GCFC2: variants seen among roughly 807,000 people sequenced by gnomAD.
The protein encoded by GCFC2 is intron Large complex component GCFC2.
In GCFC2, 102 loss-of-function variants were observed where a neutral mutation model predicts 99.4. The ratio of observed to expected loss-of-function variants is 1.03; its 90% CI spans 0.87 to 1.21. The LOEUF is 1.21. Among genes scored for constraint, GCFC2 ranks in the 50% most tolerant of loss-of-function variants. The pLI is 0.00. For missense variants in GCFC2, 973 were observed against 920.9 expected, an observed-to-expected ratio of 1.06 and a Z score of -0.73; for synonymous variants, 338 against 316.8, an observed-to-expected ratio of 1.07 and a Z score of -0.71.
upstream of GCFC2, among the ~76,000 whole-genome samples, chr2:75,711,617 G>A (rs1045221516): frequency 1.3e-5 from 2 of 152,224 alleles, no homozygotes. Flanking sequence ...AGGTGACAGC[G>A]GGCCAGCTGG....
intron 14 of GCFC2, among the ~76,000 whole-genome samples, chr2:75,671,598 A>T (rs1679091600): frequency 6.6e-6 from 1 of 152,204 alleles, no homozygotes; most frequent in Non-Finnish European, 1.5e-5. Flanking sequence ...CTTGTGGGTT[A>T]AATCCATCCT....
chr2:75,668,827 GT>G (rs1249010256), intron 15 of GCFC2, among the ~76,000 whole-genome samples: 1 of 152,136 alleles, frequency 6.6e-6, no homozygotes, highest in Non-Finnish European at 1.5e-5. Context: ...AGCTTTAAAA[GT>G]TTTGTATCCA....
intron 8 of GCFC2, among the ~76,000 whole-genome samples, 155 bp from the exon 9 acceptor site, chr2:75,690,236 A>T (rs1680003796): frequency 6.6e-6 from 1 of 152,094 alleles, no homozygotes. Flanking sequence ...GCACAATTTT[A>T]TTAATATTTT....
intron 12 of GCFC2, among the ~76,000 whole-genome samples, chr2:75,675,310 A>C (rs1679283941): frequency 6.6e-6 from 1 of 152,248 alleles, no homozygotes; most frequent in South Asian, 2.1e-4. Flanking sequence ...TTAAAATGGA[A>C]GGGCTAATGA....
At chr2:75,712,930 T>G (rs1451549686), upstream of GCFC2, among the ~76,000 whole-genome samples, 6 of 152,200 alleles carry the variant, frequency 3.9e-5, no homozygotes, top group Non-Finnish European at 7.3e-5. Flanking sequence ...CCATATAAAT[T>G]GGAAGACCTT....
chr2:75,669,676 A>G (rs962755380), intron 15 of GCFC2, among the ~76,000 whole-genome samples: 5 of 152,182 alleles, frequency 3.3e-5, no homozygotes, highest in African/African-American at 1.2e-4. Flanking sequence ...TCAAACCAGT[A>G]TACTCTTTCT....
intron 11 of GCFC2, among the ~76,000 whole-genome samples, chr2:75,685,160 A>G (rs991037866): frequency 1.3e-5 from 2 of 152,168 alleles, no homozygotes; most frequent in East Asian, 3.9e-4. Context: ...ACACCTATGT[A>G]ACAAACCTGC....
chr2:75,667,868 AT>A (rs1392963714), intron 15 of GCFC2, among the ~76,000 whole-genome samples: 1 of 152,150 alleles, frequency 6.6e-6, no homozygotes, highest in Non-Finnish European at 1.5e-5. Context: ...ATGGATGATG[AT>A]TTAAATTTTT....
At chr2:75,697,489 T>C (rs1293075206) in intron 4 of GCFC2, 1 of 152,284 alleles carries the variant, frequency 6.6e-6, no homozygotes, top group Admixed American at 6.5e-5. Context: ...CCTATAAAAC[T>C]GATCACCCAC....
At chr2:75,665,393 ATCC>A (rs1349730232) in intron 16 of GCFC2, among the ~76,000 whole-genome samples, 1 of 152,042 alleles carries the variant, frequency 6.6e-6, no homozygotes. Flanking sequence ...GGCTCAAGTG[ATCC>A]TCCTGCCTCA....
chr2:75,696,931 G>A (rs1241742783), intron 4 of GCFC2, among the ~76,000 whole-genome samples: 6 of 151,954 alleles, frequency 3.9e-5, no homozygotes, highest in Admixed American at 6.6e-5. Flanking sequence ...GACTACAGGC[G>A]CCTGCCACCA....
Position 75,680,338 on chromosome 2 carries a change from C to T in GCFC2, c.1691-24G>A, listed in dbSNP as rs752499631. 5 of 1,593,040 alleles carry T rather than the reference C, an allele frequency of 3.1e-6. No homozygotes were observed. The East Asian group carries it at 9.0e-5, about 29-fold the overall frequency. On this transcript the variant is annotated intron_variant, in intron 11 of 16. Transcript: ENST00000321027. ...GTCTGAAACAAATATTTCAGTGGTACACAATGTATTTACTAGATTGTTTTG... is the reference window on the plus strand; with the variant it reads ...GTCTGAAACAAATATTTCAGTGGTATACAATGTATTTACTAGATTGTTTTG...
At chr2:75,711,231 A>T, upstream of GCFC2, 2 of 985,076 alleles carry the variant, frequency 2.0e-6, no homozygotes, top group Non-Finnish European at 2.4e-6. Context: ...CTGGAGCCAG[A>T]TCCGTTGTCT....
At chr2:75,669,833 T>C (rs912779427) in intron 15 of GCFC2, among the ~76,000 whole-genome samples, 3 of 152,264 alleles carry the variant, frequency 2.0e-5, no homozygotes, top group Middle Eastern at 6.8e-3. Flanking sequence ...CAGGCGATTC[T>C]TCTGCCTCAG....
At position 75,689,193 on chromosome 2, in the gene GCFC2, C is replaced by A; in HGVS notation, c.1372G>T (p.Glu458Ter). ...DILQKQKKVF[E>*]EVQDDFCNIQ... is the part of the protein sequence containing the mutation. Reference sequence around the variant, plus strand: ...TTACAAAAATCATCTTGCACTTCTTCAAAAACTTTCTTCTGTTTCTGTAAA... The same window carrying A: ...TTACAAAAATCATCTTGCACTTCTTAAAAAACTTTCTTCTGTTTCTGTAAA... Residue 458 changes from glutamate to a stop codon, truncating the protein, a stop_gained, in exon 10 of 17, where the codon GAA (glutamate) becomes TAA (stop). Transcript: ENST00000321027. LOFTEE classifies it high-confidence loss of function. 1.2e-6 allele frequency: 2 copies of A among 1,600,168 alleles called. No homozygotes were observed. The highest frequency in any genetic ancestry group is 2.2e-5 in the East Asian group (1 of 44,620).
chr2:75,668,972 T>C (rs1323115419), intron 15 of GCFC2, among the ~76,000 whole-genome samples: 1 of 152,184 alleles, frequency 6.6e-6, no homozygotes, highest in Non-Finnish European at 1.5e-5. Context: ...CCTGTGTTTA[T>C]AACACTGGAA....
Position 75,675,743 on chromosome 2 carries a change from A to C in GCFC2, c.1813-2223T>G, listed in dbSNP as rs1429203963. Among the ~76,000 whole-genome samples, 935 of 133,822 alleles carry C rather than the reference A, an allele frequency of 7.0e-3. 2 individuals carry two copies. Among genetic ancestry groups the C allele is most frequent in the African/African-American group, 0.024 (890 of 36,632 alleles). 87.8% of individuals were successfully genotyped at this position (133,822 alleles called of 152,430 possible). A position where few individuals can be genotyped will look rare whatever the true frequency, so the allele number is the denominator to read the frequency against. On this transcript the variant is annotated intron_variant, in intron 12 of 16. Transcript: ENST00000321027. ...TGGGTGACAGAGTAAGGTTCTGTCA[A>C]AAAAAAAAAAAAAAACAAAAAAAAG...
chr2:75,690,731 TA>T lies in GCFC2; in HGVS notation c.1145-13del. 1.5e-6 allele frequency: 2 copies of T among 1,329,460 alleles called. No homozygotes were observed. The highest frequency in any genetic ancestry group is 2.1e-6 in the Non-Finnish European group (2 of 938,726). The allele number at this position is 1,329,460 out of a possible 1,614,324, so 82.4% of individuals were successfully genotyped here. On this transcript the variant is annotated splice_polypyrimidine_tract_variant and intron_variant, in intron 7 of 16. Coordinates refer to ENST00000321027, the MANE Select transcript of GCFC2 (RefSeq NM_003203.5). ...TGTCTCATCTTTGCCTGTTAATAAA[TA>T]AAATTGACTTCATACTACAAATTCT... is the stretch of plus-strand genomic sequence containing the variant.
chr2:75,711,669 C>A (rs892534945), upstream of GCFC2, among the ~76,000 whole-genome samples: 5 of 152,244 alleles, frequency 3.3e-5, no homozygotes, highest in African/African-American at 1.2e-4. Flanking sequence ...GCACTCGGAG[C>A]AGCCGGCCGG....
Sources: gnomAD v4.1 joint callset for allele counts (sites outside exome capture counted in the v4.1 genomes callset) on GRCh38, gnomAD v4.1.1 for gene constraint, MANE v1.5 for transcripts, NCBI Gene and HGNC (gene_info 2026-07-23, HGNC 2026-07-21) for gene names.